NUP160: variants seen among roughly 807,000 people sequenced by gnomAD.
The protein encoded by NUP160 is nuclear pore complex protein Nup160.
Under a neutral mutation model 196.9 loss-of-function variants are expected in NUP160, and 94 were observed. The ratio of observed to expected loss-of-function variants is 0.48; its 90% CI spans 0.40 to 0.57. The LOEUF (loss-of-function observed/expected upper bound fraction) is 0.57, where lower values mean the gene tolerates loss of function less well. NUP160 is among the 20% of genes least tolerant of loss of function. The probability of loss-of-function intolerance (pLI) is 0.00; values close to 1 mark genes in which losing one functional copy is unlikely to be tolerated. For missense variants in NUP160, 1,638 were observed against 1,748.3 expected (o/e 0.94, Z 1.13); for synonymous variants, 605 against 619.7 (o/e 0.98, Z 0.35).
At chr11:47,794,697 C>T (rs957997263) in intron 27 of NUP160, among the ~76,000 whole-genome samples, 1 of 151,970 alleles carries the variant, frequency 6.6e-6, no homozygotes, top group African/African-American at 2.4e-5. Context: ...ATTTTGAGGT[C>T]AGGAGTTCAA....
rs1198277007 is a variant in NUP160 at position 47,813,051 on chromosome 11, C to T, written c.1787-4G>A. ...ACATCCCGAGCGATGTCCACATCTACAAATAAGAGAAAGTTAACATTTATG... is the reference window on the plus strand; with the variant it reads ...ACATCCCGAGCGATGTCCACATCTATAAATAAGAGAAAGTTAACATTTATG... On this transcript the variant is annotated splice_polypyrimidine_tract_variant and splice_region_variant and intron_variant, in intron 14 of 35. Transcript: ENST00000378460. 4 of 1,586,632 alleles carry T rather than the reference C, an allele frequency of 2.5e-6. No homozygotes were observed. The highest frequency in any genetic ancestry group is 2.6e-6 in the Non-Finnish European group (3 of 1,160,190).
chr11:47,803,437 C>T lies in NUP160; in HGVS notation c.2775+1G>A. On this transcript the variant is annotated splice_donor_variant, in intron 22 of 35. Transcript: ENST00000378460. LOFTEE classifies it high-confidence loss of function. ...TTATTTGCCATTCAAATGTAGTTTA[C>T]CTTCTGTCCTTCTCCTGTAACTAGG... The T allele has an allele frequency of 6.4e-7, 1 of 1,570,548 alleles. No homozygotes were observed. The highest frequency in any genetic ancestry group is 8.8e-7 in the Non-Finnish European group (1 of 1,140,672).
chr11:47,847,892 C>T, exon 2 of NUP160: 3 of 1,614,148 alleles, frequency 1.9e-6, no homozygotes, highest in Non-Finnish European at 2.5e-6. Context: ...ACTTGCCACT[C>T]TCCACGTAGT....
At chr11:47,823,003 G>A (rs527309848) in intron 7 of NUP160, among the ~76,000 whole-genome samples, 5 of 152,276 alleles carry the variant, frequency 3.3e-5, no homozygotes, top group South Asian at 2.1e-4. Flanking sequence ...AAGTCTTTGC[G>A]ATTGTGAATA....
chr11:47,825,520 T>C (rs897134390), intron 7 of NUP160, among the ~76,000 whole-genome samples: 1 of 150,730 alleles, frequency 6.6e-6, no homozygotes, highest in Non-Finnish European at 1.5e-5. Flanking sequence ...TGGTACGATC[T>C]CGGCTCACTG....
At chr11:47,807,473 C>G (rs1267053153) in intron 18 of NUP160, among the ~76,000 whole-genome samples, 1 of 152,014 alleles carries the variant, frequency 6.6e-6, no homozygotes, top group Non-Finnish European at 1.5e-5. Flanking sequence ...CAAGACCAGC[C>G]TGGCCAACAT....
intron 2 of NUP160, among the ~76,000 whole-genome samples, chr11:47,843,448 C>T (rs1852343897): frequency 1.3e-5 from 2 of 152,176 alleles, no homozygotes; most frequent in South Asian, 4.1e-4. Context: ...GTTCAACTCT[C>T]ACTTCAGTTA....
At chr11:47,806,082 G>A (rs1318224111) in intron 20 of NUP160, 71 bp downstream of exon 20, 17 of 1,437,838 alleles carry the variant, frequency 1.2e-5, no homozygotes, top group Non-Finnish European at 1.7e-5. Flanking sequence ...CCAAAGTGCT[G>A]GGATTACAGG....
At chr11:47,803,292 C>T (rs757511598) in intron 22 of NUP160, 146 bp downstream of exon 22, 4 of 585,378 alleles carry the variant, frequency 6.8e-6, no homozygotes, top group African/African-American at 1.9e-5. Flanking sequence ...GTATATAATG[C>T]CTTTGACTGG....
intron 27 of NUP160, 40 bp downstream of exon 27, chr11:47,797,739 T>TA: frequency 7.2e-7 from 1 of 1,391,538 alleles, no homozygotes; most frequent in Non-Finnish European, 1.0e-6. Flanking sequence ...ATTAAACTAA[T>TA]AAGGCTGTCT....
intron 1 of NUP160, 32 bp downstream of exon 1, chr11:47,848,187 T>A: frequency 6.2e-7 from 1 of 1,611,222 alleles, no homozygotes. Flanking sequence ...AGGGGACAGA[T>A]GGGATCGCAC....
intron 11 of NUP160, among the ~76,000 whole-genome samples, chr11:47,816,797 G>C (rs1181181457): frequency 7.0e-6 from 1 of 142,138 alleles, no homozygotes; most frequent in African/African-American, 2.6e-5. Context: ...AAAAAAAAAA[G>C]TCTATGTAAC....
intron 27 of NUP160, among the ~76,000 whole-genome samples, chr11:47,797,382 G>A (rs1266843145): frequency 4.6e-5 from 7 of 152,084 alleles, no homozygotes; most frequent in African/African-American, 9.7e-5. Context: ...GGGATTACAG[G>A]TGCCCACCAC....
chr11:47,803,987 C>G (rs2097675958), intron 21 of NUP160, among the ~76,000 whole-genome samples: 2 of 152,018 alleles, frequency 1.3e-5, no homozygotes, highest in African/African-American at 4.8e-5. Context: ...TCGAGACCAG[C>G]CTCGCCAACA....
intron 19 of NUP160, among the ~76,000 whole-genome samples, chr11:47,806,726 C>T (rs1410416058): frequency 7.0e-6 from 1 of 143,456 alleles, no homozygotes. Flanking sequence ...TTACCATGAA[C>T]GAATAAATTT....
intron 18 of NUP160, 113 bp downstream of exon 18, chr11:47,808,283 A>C (rs553958599): frequency 2.0e-6 from 2 of 1,009,876 alleles, no homozygotes; most frequent in South Asian, 3.3e-5. Context: ...ACTCTGTCTC[A>C]AAACAAAAAC....
At chr11:47,820,033 G>C (rs1032408670) in intron 9 of NUP160, among the ~76,000 whole-genome samples, 2 of 152,170 alleles carry the variant, frequency 1.3e-5, no homozygotes, top group Non-Finnish European at 2.9e-5. Context: ...GGTATGGCCT[G>C]AGGTCAATCT....
intron 6 of NUP160, 98 bp from the exon 7 acceptor site, chr11:47,835,907 C>G (rs1333003825): frequency 4.1e-6 from 4 of 982,366 alleles, no homozygotes; most frequent in African/African-American, 3.3e-5. Flanking sequence ...ATCTACTGCT[C>G]TATCTAGTTT....
At chr11:47,780,523 C>G in intron 34 of NUP160, 76 bp from the exon 35 acceptor site, 3 of 827,140 alleles carry the variant, frequency 3.6e-6, no homozygotes, top group Non-Finnish European at 5.8e-6. Flanking sequence ...TCATAGGACT[C>G]TGTAGAATAA....
Sources: gnomAD v4.1 joint callset for allele counts (sites outside exome capture counted in the v4.1 genomes callset) on GRCh38, gnomAD v4.1.1 for gene constraint, MANE v1.5 for transcripts, NCBI Gene and HGNC (gene_info 2026-07-23, HGNC 2026-07-21) for gene names.